Variants in SLC41A1 observed in about 807,000 individuals in gnomAD.
The protein encoded by SLC41A1 is solute carrier family 41 (magnesium transporter), member 1.
SLC41A1 carries 20 observed loss-of-function variants against 47.3 expected under a neutral mutation model. The ratio of observed to expected loss-of-function variants is 0.42; its 90% CI spans 0.30 to 0.61. The LOEUF (loss-of-function observed/expected upper bound fraction) is 0.61, where lower values mean the gene tolerates loss of function less well. SLC41A1 is among the 20% of genes least tolerant of loss of function. The pLI is 0.17. For synonymous variants in SLC41A1, 282 were observed against 272.7 expected, an observed-to-expected ratio of 1.03 and a Z score of -0.34; for missense variants, 504 against 674.1, an observed-to-expected ratio of 0.75 and a Z score of 2.79.
chr1:205,796,467 CT>C, intron 8 of SLC41A1: 1 of 208,646 alleles, frequency 4.8e-6, no homozygotes, highest in Non-Finnish European at 9.6e-6. Context: ...GTTTGCCTCT[CT>C]TGTTTTGCCC....
In SLC41A1 at chr1:205,812,301, G is replaced by A. The variant is rs543194163; in HGVS notation, c.-647+507C>T. On this transcript the variant is annotated intron_variant, in intron 1 of 10. Transcript: ENST00000367137. The stretch of plus-strand genomic sequence containing the variant: ...TCAAACCCCAGGAACTGGCCCAGGA[G>A]AACTGTTTCCTCTATCAATTCAGTC... Among the ~76,000 whole-genome samples, 3 of 152,306 alleles carry A rather than the reference G, an allele frequency of 2.0e-5. No homozygotes were observed. The South Asian group carries it at 6.2e-4, about 32-fold the overall frequency.
chr1:205,812,352 CT>C (rs910054921), intron 1 of SLC41A1, among the ~76,000 whole-genome samples: 35 of 152,328 alleles, frequency 2.3e-4, no homozygotes, highest in African/African-American at 8.4e-4. Context: ...CTTTTCCAAT[CT>C]CCTTAAACAC....
At chr1:205,794,562 A>C (rs1014098119) in intron 10 of SLC41A1, among the ~76,000 whole-genome samples, 2 of 152,114 alleles carry the variant, frequency 1.3e-5, no homozygotes, top group Non-Finnish European at 2.9e-5. Flanking sequence ...GTTGGCATGC[A>C]AACCCCACAG....
chr1:205,800,863 G>A, intron 3 of SLC41A1, 90 bp downstream of exon 3: 1 of 1,232,466 alleles, frequency 8.1e-7, no homozygotes, highest in South Asian at 1.2e-5. Context: ...CCTGGGCAGT[G>A]GAGAAGGGCT....
intron 2 of SLC41A1, chr1:205,801,473 T>C (rs2102505983): frequency 3.4e-6 from 1 of 296,328 alleles, no homozygotes; most frequent in Non-Finnish European, 6.6e-6. Context: ...TTCTCTGTTG[T>C]CTCAGCTGTG....
At chr1:205,795,553 C>G in intron 8 of SLC41A1, 75 bp from the exon 9 acceptor site, 1 of 1,561,578 alleles carries the variant, frequency 6.4e-7, no homozygotes, top group Admixed American at 1.8e-5. Flanking sequence ...TCTTCTCACT[C>G]TTTGTCTTCT....
chr1:205,797,099 T>C (rs1655768322), intron 7 of SLC41A1, 96 bp from the exon 8 acceptor site: 1 of 1,092,080 alleles, frequency 9.2e-7, no homozygotes, highest in South Asian at 1.3e-5. Flanking sequence ...TCCTTGGAGA[T>C]GAAGGGAAGC....
At chr1:205,806,831 G>A (rs1175650438) in intron 2 of SLC41A1, among the ~76,000 whole-genome samples, 2 of 152,042 alleles carry the variant, frequency 1.3e-5, no homozygotes, top group Non-Finnish European at 2.9e-5. Flanking sequence ...GGAAGAGAGT[G>A]GGTTTTCTTT....
Position 205,800,956 on chromosome 1 carries a change from A to C in SLC41A1, c.477T>G (p.Thr159=). The C allele has an allele frequency of 6.2e-7, 1 of 1,613,946 alleles. No homozygotes were observed. ...LEMTLASRLS[T]AANIGHMDTP... ...TCCTCCCAGCCAGGATACTCACTGC[A>C]GTGGAAAGCCTTGATGCCAGGGTCA... The change falls in exon 3 of 11, where the codon ACT becomes ACG. Residue 159 remains threonine (T), a synonymous_variant. Coordinates refer to ENST00000367137, the MANE Select transcript of SLC41A1 (RefSeq NM_173854.6).
At position 205,810,957 on chromosome 1, in the gene SLC41A1, A is replaced by G; in HGVS notation, c.-516T>C. On this transcript the variant is annotated 5_prime_UTR_variant, in exon 2 of 11. Transcript: ENST00000367137. This position sits in a 1 kb window ranked among gnomAD's most constrained non-coding sequence, Gnocchi z 5.5. ...CTCTGTCAGCTTCCCACAGCTCCTC[A>G]GGCTCTGCTGGTCCCAGCGCAGCGT... The G allele has an allele frequency of 5.8e-6, 1 of 173,246 alleles. No homozygotes were observed. The highest frequency in any genetic ancestry group is 1.2e-5 in the Non-Finnish European group (1 of 80,100). The allele number at this position is 173,246 out of a possible 1,614,324, so 10.7% of individuals were successfully genotyped here. A position where few individuals can be genotyped will look rare whatever the true frequency, so the allele number is the denominator to read the frequency against.
At chr1:205,812,186 T>C (rs1421852677) in intron 1 of SLC41A1, among the ~76,000 whole-genome samples, 1 of 152,152 alleles carries the variant, frequency 6.6e-6, no homozygotes, top group Admixed American at 6.5e-5. Flanking sequence ...AAAAAATAAA[T>C]TTAAAGAGAG....
chr1:205,802,673 G>A (rs823069), intron 2 of SLC41A1, among the ~76,000 whole-genome samples: 98,691 of 148,862 alleles, frequency 0.66, 36,754 homozygotes, highest in Non-Finnish European at 0.82. Context: ...AGCCAAGATC[G>A]CACCACTGCA....
At chr1:205,799,557 C>A (rs1558080842) in intron 4 of SLC41A1, among the ~76,000 whole-genome samples, 1 of 152,154 alleles carries the variant, frequency 6.6e-6, no homozygotes, top group Non-Finnish European at 1.5e-5. Flanking sequence ...GAACTGAGAA[C>A]CAGAATGGGT....
At chr1:205,809,467 G>T (rs1656092899) in intron 2 of SLC41A1, among the ~76,000 whole-genome samples, 2 of 152,198 alleles carry the variant, frequency 1.3e-5, no homozygotes. Flanking sequence ...TTTGGGTCTT[G>T]TTACACCAAA....
At chr1:205,799,866 C>T (rs1191150675) in intron 3 of SLC41A1, 36 bp from the exon 4 acceptor site, 1 of 1,597,188 alleles carries the variant, frequency 6.3e-7, no homozygotes. Context: ...GAGCTTCAGG[C>T]TGGAAAAGGC....
At position 205,805,217 on chromosome 1, in the gene SLC41A1, T is replaced by C. The variant is rs567460304; in HGVS notation, c.373-4157A>G. Among the ~76,000 whole-genome samples, 128 of 152,084 alleles carry C rather than the reference T, an allele frequency of 8.4e-4. 1 individual carries two copies. Among genetic ancestry groups the C allele is most frequent in the African/African-American group, 2.8e-3 (115 of 41,464 alleles). On this transcript the variant is annotated intron_variant, in intron 2 of 10. Transcript: ENST00000367137. Reference sequence around the variant, plus strand: ...GACCCCAGGCCAGCAAAGCCCCGAGTTGGCACTTGGGTCAGAGAAGCCAAT... The same window carrying C: ...GACCCCAGGCCAGCAAAGCCCCGAGCTGGCACTTGGGTCAGAGAAGCCAAT...
rs190654455 is a variant in SLC41A1, at chr1:205,795,041, G to A, written c.1208-23C>T. On this transcript the variant is annotated intron_variant, in intron 9 of 10. Coordinates refer to ENST00000367137, the MANE Select transcript of SLC41A1 (RefSeq NM_173854.6). ...CATCTGGAATTGGGGAAAAGAGGGT[G>A]TAAAGAGGAGGGGAGGAGAAGACCT... 3.0e-5 allele frequency: 49 copies of A among 1,612,758 alleles called. No homozygotes were observed. The East Asian group carries it at 6.5e-4, about 21-fold the overall frequency.
intron 2 of SLC41A1, among the ~76,000 whole-genome samples, chr1:205,804,651 C>T (rs556286087): frequency 6.6e-6 from 1 of 152,290 alleles, no homozygotes; most frequent in East Asian, 1.9e-4. Flanking sequence ...CTCTGCTTCG[C>T]CTCCTGCTTC....
intron 2 of SLC41A1, among the ~76,000 whole-genome samples, chr1:205,808,251 C>T (rs982813146): frequency 1.4e-4 from 21 of 152,302 alleles, no homozygotes; most frequent in African/African-American, 4.6e-4. Context: ...CCACTGAGCT[C>T]GGCCCCCTCT....
Sources: gnomAD v4.1 joint callset for allele counts (sites outside exome capture counted in the v4.1 genomes callset) on GRCh38, gnomAD v4.1.1 for gene constraint, Gnocchi (gnomAD v3.1) non-coding constraint, MANE v1.5 for transcripts, NCBI Gene and HGNC (gene_info 2026-07-23, HGNC 2026-07-21) for gene names.